The following ADAMTSL3 variants were observed in gnomAD, a reference collection of about 807,000 sequenced individuals.
ADAMTSL3 encodes ADAMTS like 3.
ADAMTSL3 carries 128 observed loss-of-function variants against 201.7 expected under a neutral mutation model. The ratio of observed to expected loss-of-function variants is 0.63; its 90% confidence interval spans 0.55 to 0.73. ADAMTSL3 has a LOEUF of 0.73. ADAMTSL3 is among the 30% of genes least tolerant of loss of function. The pLI is 0.00. For synonymous variants in ADAMTSL3, 738 were observed against 748.4 expected, an observed-to-expected ratio of 0.99 and a Z score of 0.23; for missense variants, 1,990 against 2,119.6, an observed-to-expected ratio of 0.94 and a Z score of 1.20.
intron 8 of ADAMTSL3, among the ~76,000 whole-genome samples, chr15:83,860,888 G>A (rs755232086): frequency 1.3e-5 from 2 of 152,180 alleles, no homozygotes; most frequent in African/African-American, 2.4e-5. Context: ...CCCGGGAAGC[G>A]CAATGGGTCA....
At chr15:84,010,378 A>T (rs776225761) in intron 23 of ADAMTSL3, among the ~76,000 whole-genome samples, 42 of 152,228 alleles carry the variant, frequency 2.8e-4, no homozygotes, top group Admixed American at 1.4e-3. Context: ...GTGCTTTATT[A>T]TCTTTGCTGC....
chr15:83,865,491 C>T lies in ADAMTSL3; in HGVS notation c.803-5311C>T, dbSNP rs554245511. Reference sequence around the variant, plus strand: ...ACAACCATCTGATCTTTGACAAACCCGACAAAAACAAGAAATGGGGAAACA... The same window carrying T: ...ACAACCATCTGATCTTTGACAAACCTGACAAAAACAAGAAATGGGGAAACA... On this transcript the variant is annotated intron_variant, in intron 8 of 29. Coordinates refer to ENST00000286744, the MANE Select transcript of ADAMTSL3 (RefSeq NM_207517.3). Among the ~76,000 whole-genome samples, 576 of 152,090 alleles carry T rather than the reference C, an allele frequency of 3.8e-3. 2 individuals carry two copies. The highest frequency in any genetic ancestry group is 0.013 in the African/African-American group (519 of 41,520).
At chr15:83,918,239 T>G (rs1222977836) in intron 16 of ADAMTSL3, among the ~76,000 whole-genome samples, 3 of 152,242 alleles carry the variant, frequency 2.0e-5, no homozygotes, top group Admixed American at 2.0e-4. Context: ...AATCTCTTTA[T>G]TGTTTCATTT....
chr15:83,861,856 G>T (rs2064870219), intron 8 of ADAMTSL3: 1 of 152,182 alleles, frequency 6.6e-6, no homozygotes, highest in Non-Finnish European at 1.5e-5. Context: ...CCATGGCAAA[G>T]AAGTTAAAAA....
chr15:84,029,072 A>G (rs554009536), intron 27 of ADAMTSL3, among the ~76,000 whole-genome samples: 1 of 152,318 alleles, frequency 6.6e-6, no homozygotes, highest in East Asian at 1.9e-4. Context: ...GTATTTCTTT[A>G]TAGAAGTGTA....
chr15:83,921,859 T>G (rs1596409546), intron 16 of ADAMTSL3, among the ~76,000 whole-genome samples: 1 of 22,540 alleles, frequency 4.4e-5, no homozygotes, highest in Admixed American at 7.6e-4. Context: ...AATTTTTGTA[T>G]TTTTTTTTTA....
chr15:83,876,880 C>T (rs2065187147), intron 9 of ADAMTSL3, among the ~76,000 whole-genome samples: 1 of 152,228 alleles, frequency 6.6e-6, no homozygotes, highest in Non-Finnish European at 1.5e-5. Context: ...GCAACCTCCA[C>T]CTCATGGGTT....
In ADAMTSL3 at chr15:83,897,912, C is replaced by A. The variant is rs1425980325; in HGVS notation, c.1522C>A (p.His508Asn). The stretch of plus-strand genomic sequence containing the variant: ...GTACCGGGTTGTTCTGTGTATTAAC[C>A]ACCGCGGAGAGCATGTTGGGGGCTG... ...LRYRVVLCINHRGEHVGGCNP... is the reference protein window; with the variant it reads ...LRYRVVLCINNRGEHVGGCNP... Residue 508 changes from histidine to asparagine, a missense_variant, in exon 14 of 30, where the codon CAC becomes AAC. Coordinates refer to ENST00000286744, the MANE Select transcript of ADAMTSL3 (RefSeq NM_207517.3). 1 of 1,613,672 alleles carries A rather than the reference C, an allele frequency of 6.2e-7. No homozygotes were observed. Among genetic ancestry groups the A allele is most frequent in the Non-Finnish European group, 8.5e-7 (1 of 1,179,840 alleles).
At chr15:83,773,475 A>G (rs2063019173) in intron 3 of ADAMTSL3, 48 bp from the exon 4 acceptor site, 2 of 1,598,270 alleles carry the variant, frequency 1.3e-6, no homozygotes, top group African/African-American at 1.4e-5. Context: ...ATTTGCCTAT[A>G]CTTTATTGTG....
chr15:83,712,507 T>C (rs1282009977), intron 3 of ADAMTSL3, among the ~76,000 whole-genome samples: 1 of 152,172 alleles, frequency 6.6e-6, no homozygotes, highest in Non-Finnish European at 1.5e-5. Context: ...ATCTCAGTGC[T>C]CCTCTTTTTT....
At chr15:83,785,521 G>A (rs952409320) in intron 4 of ADAMTSL3, among the ~76,000 whole-genome samples, 3 of 152,048 alleles carry the variant, frequency 2.0e-5, no homozygotes, top group Admixed American at 6.6e-5. Flanking sequence ...TAGATAACCT[G>A]TCTGCCCATA....
intron 3 of ADAMTSL3, among the ~76,000 whole-genome samples, chr15:83,730,826 A>G (rs2062254111): frequency 6.6e-6 from 1 of 152,004 alleles, no homozygotes; most frequent in South Asian, 2.1e-4. Flanking sequence ...TTTTGGTGTC[A>G]TATTTGAAAA....
chr15:83,866,806 T>C (rs74024589), intron 8 of ADAMTSL3, among the ~76,000 whole-genome samples: 2,880 of 152,236 alleles, frequency 0.019, 85 homozygotes, highest in African/African-American at 0.063. Flanking sequence ...CAAAAATTCA[T>C]TTATGTGTAT....
intron 3 of ADAMTSL3, among the ~76,000 whole-genome samples, chr15:83,735,110 TAAAC>T (rs1223493915): frequency 6.6e-6 from 1 of 152,012 alleles, no homozygotes; most frequent in Non-Finnish European, 1.5e-5. Flanking sequence ...AATCAACTAT[TAAAC>T]AAAGCAGTCT....
intron 20 of ADAMTSL3, among the ~76,000 whole-genome samples, chr15:83,975,158 T>C (rs1351108852): frequency 7.9e-5 from 12 of 152,086 alleles, no homozygotes; most frequent in East Asian, 5.8e-4. Context: ...CCTGCTACCA[T>C]GCCCGGCTAA....
At chr15:83,778,373 A>G (rs2141772992) in intron 4 of ADAMTSL3, among the ~76,000 whole-genome samples, 1 of 152,318 alleles carries the variant, frequency 6.6e-6, no homozygotes, top group East Asian at 1.9e-4. Flanking sequence ...AGACAGAGAG[A>G]AAGGTCAGGT....
chr15:83,864,043 C>A (rs963860628), intron 8 of ADAMTSL3, among the ~76,000 whole-genome samples: 1 of 152,138 alleles, frequency 6.6e-6, no homozygotes, highest in Non-Finnish European at 1.5e-5. Context: ...GATATATACA[C>A]CCTCCCAAGA....
At chr15:83,893,006 G>T (rs2065541929) in intron 13 of ADAMTSL3, 118 bp downstream of exon 13, 15 of 959,578 alleles carry the variant, frequency 1.6e-5, no homozygotes, top group Non-Finnish European at 2.3e-5. Flanking sequence ...AAAGAGCATG[G>T]TTCCTACTCC....
chr15:83,673,105 C>T lies in ADAMTSL3; in HGVS notation c.69+17275C>T, dbSNP rs368990357. 3.3e-5 allele frequency among the ~76,000 whole-genome samples: 5 copies of T among 151,210 alleles called. No individual in the cohort carries two copies. The East Asian group carries it at 7.8e-4, about 24-fold the overall frequency. On this transcript the variant is annotated intron_variant, in intron 2 of 29. Transcript: ENST00000286744. ...AAGAAGGAATGCATGGAGTGGCAGGCGGCCATGATCTGGCAGGCGCTGTTC... is the reference window on the plus strand; with the variant it reads ...AAGAAGGAATGCATGGAGTGGCAGGTGGCCATGATCTGGCAGGCGCTGTTC...
Sources: gnomAD v4.1 joint callset for allele counts (sites outside exome capture counted in the v4.1 genomes callset) on GRCh38, gnomAD v4.1.1 for gene constraint, MANE v1.5 for transcripts, NCBI Gene and HGNC (gene_info 2026-07-23, HGNC 2026-07-21) for gene names.